CHD6: variants seen among roughly 807,000 people sequenced by gnomAD.
CHD6 encodes chromodomain helicase DNA binding protein 6.
Under a neutral mutation model 276.9 loss-of-function variants are expected in CHD6, and 50 were observed. That is an observed-to-expected ratio of 0.18 (90% confidence interval 0.14 to 0.23). CHD6 has a LOEUF of 0.23. Ranked by LOEUF, CHD6 falls within the 10% of genes least tolerant of loss-of-function variation. The probability of loss-of-function intolerance (pLI) is 1.00; values close to 1 mark genes in which losing one functional copy is unlikely to be tolerated. For missense variants in CHD6, 2,564 were observed against 3,365.8 expected, an observed-to-expected ratio of 0.76 and a Z score of 5.89; for synonymous variants, 1,173 against 1,229.3, an observed-to-expected ratio of 0.95 and a Z score of 0.96.
At chr20:41,578,317 T>A (rs761107512) in intron 1 of CHD6, among the ~76,000 whole-genome samples, 2 of 152,190 alleles carry the variant, frequency 1.3e-5, no homozygotes, top group African/African-American at 4.8e-5. Context: ...AACATTCTTA[T>A]CACAATGATA....
At chr20:41,445,896 TG>T in intron 24 of CHD6, 128 bp from the exon 25 acceptor site, 1 of 603,416 alleles carries the variant, frequency 1.7e-6, no homozygotes, top group Non-Finnish European at 3.0e-6. Flanking sequence ...AGGAAGGCTG[TG>T]GGTCATTGTT....
chr20:41,616,864 G>A (rs926546049), intron 1 of CHD6, among the ~76,000 whole-genome samples: 1 of 152,110 alleles, frequency 6.6e-6, no homozygotes, highest in African/African-American at 2.4e-5. Context: ...TTGGCTGACA[G>A]TCAAACTCGA....
intron 1 of CHD6, among the ~76,000 whole-genome samples, chr20:41,600,039 A>C (rs2045758069): frequency 6.6e-6 from 1 of 152,164 alleles, no homozygotes; most frequent in African/African-American, 2.4e-5. Context: ...TGCAGAAGTA[A>C]ATGTGCCTTG....
chr20:41,453,571 A>G (rs1328128421), intron 20 of CHD6, among the ~76,000 whole-genome samples: 1 of 152,006 alleles, frequency 6.6e-6, no homozygotes, highest in Non-Finnish European at 1.5e-5. Context: ...AAGCCAGGCC[A>G]GCCTCCTGAC....
chr20:41,489,808 C>A lies in CHD6; in HGVS notation c.1650G>T (p.Gln550His). ...CGTCTCTGTACACCATTTCATACTGCTGGATCATCTGCCTGCTGATCTGGC... is the reference window on the plus strand; with the variant it reads ...CGTCTCTGTACACCATTTCATACTGATGGATCATCTGCCTGCTGATCTGGC... ...HGSQISRQMIQQYEMVYRDAQ... is the reference protein window; with the variant it reads ...HGSQISRQMIHQYEMVYRDAQ... The change falls in exon 12 of 37, where the codon CAG becomes CAT. Residue 550 changes from glutamine (Q) to histidine (H), a missense_variant. By Grantham distance (24) the Gln-to-His change is conservative. Transcript: ENST00000373233. 6.2e-7 allele frequency: 1 copy of A among 1,614,024 alleles called. No individual in the cohort carries two copies. Among genetic ancestry groups the A allele is most frequent in the Non-Finnish European group, 8.5e-7 (1 of 1,179,924 alleles).
At chr20:41,432,184 C>T (rs1221559245) in intron 27 of CHD6, among the ~76,000 whole-genome samples, 1 of 127,432 alleles carries the variant, frequency 7.8e-6, no homozygotes, top group Non-Finnish European at 1.6e-5. Flanking sequence ...AAAAAAGAAG[C>T]GAGGTGGCTT....
intron 25 of CHD6, 48 bp downstream of exon 25, chr20:41,445,617 C>T (rs1600874299): frequency 1.6e-6 from 2 of 1,289,884 alleles, no homozygotes; most frequent in Non-Finnish European, 2.3e-6. Context: ...ACTCATCCTT[C>T]CTGGGGGAAA....
intron 2 of CHD6, among the ~76,000 whole-genome samples, chr20:41,538,215 G>T (rs2044873240): frequency 6.6e-6 from 1 of 152,188 alleles, no homozygotes; most frequent in South Asian, 2.1e-4. Context: ...GCCAGGTGGG[G>T]TGGCATGCGC....
Position 41,549,085 on chromosome 20 carries a change from C to T in CHD6, c.33+2220G>A, listed in dbSNP as rs925953068. Among the ~76,000 whole-genome samples the T allele has an allele frequency of 1.6e-4, 25 of 152,090 alleles. No homozygotes were observed. The East Asian group carries it at 1.9e-3, about 12-fold the overall frequency. On this transcript the variant is annotated intron_variant, in intron 2 of 36. Transcript: ENST00000373233. ...TCAACCATTGTGGAAGTCAGTGTGGCGATTCCTCAGGGATCTAGAACTAGA... is the reference window on the plus strand; with the variant it reads ...TCAACCATTGTGGAAGTCAGTGTGGTGATTCCTCAGGGATCTAGAACTAGA...
intron 2 of CHD6, among the ~76,000 whole-genome samples, chr20:41,534,541 T>C (rs534530989): frequency 1.0e-4 from 14 of 136,922 alleles, no homozygotes; most frequent in African/African-American, 3.9e-4. Context: ...ACACTGAGAA[T>C]CCCAGGAGAA....
chr20:41,523,445 T>C lies in CHD6; in HGVS notation c.555-8493A>G, dbSNP rs565179400. Among the ~76,000 whole-genome samples, 3 of 152,290 alleles carry C rather than the reference T, an allele frequency of 2.0e-5. No homozygotes were observed. The South Asian group carries it at 6.2e-4, about 32-fold the overall frequency. The stretch of plus-strand genomic sequence containing the variant: ...TAAAACTTGATTTTACAATCAAACA[T>C]ATCTCCACTTTAAAGAAAGTACCTA... On this transcript the variant is annotated intron_variant, in intron 3 of 36. Transcript: ENST00000373233.
At chr20:41,469,120 C>T (rs897072739) in intron 17 of CHD6, among the ~76,000 whole-genome samples, 2 of 152,110 alleles carry the variant, frequency 1.3e-5, no homozygotes, top group African/African-American at 2.4e-5. Context: ...CTGCTTCTGG[C>T]GATTGTGGAA....
chr20:41,591,199 C>T lies in CHD6; in HGVS notation c.-24+27141G>A, dbSNP rs1210119710. On this transcript the variant is annotated intron_variant, in intron 1 of 36. Coordinates refer to ENST00000373233, the MANE Select transcript of CHD6 (RefSeq NM_032221.5). ...ACACAGGAAGGGGAACATCACACAC[C>T]GGGGCCTGTTGTGGGGTGGGGGGAG... Among the ~76,000 whole-genome samples the T allele has an allele frequency of 9.5e-4, 100 of 105,004 alleles. 1 individual carries two copies. Among genetic ancestry groups the T allele is most frequent in the African/African-American group, 3.7e-3 (97 of 25,994 alleles). 68.9% of individuals were successfully genotyped at this position (105,004 alleles called of 152,430 possible).
chr20:41,546,201 A>G (rs2045038638), intron 2 of CHD6, among the ~76,000 whole-genome samples: 1 of 152,202 alleles, frequency 6.6e-6, no homozygotes, highest in Admixed American at 6.5e-5. Flanking sequence ...ACTCCAGGGA[A>G]GAAAATAAGG....
intron 16 of CHD6, among the ~76,000 whole-genome samples, chr20:41,479,024 C>T (rs543403741): frequency 3.3e-5 from 5 of 151,940 alleles, no homozygotes; most frequent in Admixed American, 6.6e-5. Flanking sequence ...AGAAACAAAA[C>T]GTTAATAAAC....
At position 41,405,416 on chromosome 20, in the gene CHD6, C is replaced by G. The variant is rs760992631; in HGVS notation, c.7325G>C (p.Arg2442Thr). 24 of 1,612,300 alleles carry G rather than the reference C, an allele frequency of 1.5e-5. No individual in the cohort carries two copies. Among genetic ancestry groups the G allele is most frequent in the Admixed American group, 1.2e-4 (7 of 59,930 alleles). The change falls in exon 37 of 37, where the codon AGG becomes ACG. Residue 2442 changes from arginine to threonine, a missense_variant. Physicochemically the swap from Arg to Thr is moderately conservative, Grantham distance 71 (BLOSUM62 -1). Transcript: ENST00000373233. ...PILRDTGPRR[R>T]GRRPRSELLK... ...GAGTTCGCTCCGAGGCCGCCTCCCC[C>G]TCCTGCGGGGGCCCGTATCTCGAAG...
At chr20:41,617,580 T>C (rs909157238) in intron 1 of CHD6, among the ~76,000 whole-genome samples, 2 of 152,194 alleles carry the variant, frequency 1.3e-5, no homozygotes, top group African/African-American at 4.8e-5. Context: ...CCGTTACTTC[T>C]CAACAGCGAG....
chr20:41,576,107 T>C (rs936332692), intron 1 of CHD6, among the ~76,000 whole-genome samples: 2 of 152,162 alleles, frequency 1.3e-5, no homozygotes, highest in Non-Finnish European at 2.9e-5. Context: ...AAGGAAAAGC[T>C]GCACAGAAGT....
chr20:41,558,486 T>C (rs1232987797), intron 1 of CHD6, among the ~76,000 whole-genome samples: 1 of 152,246 alleles, frequency 6.6e-6, no homozygotes, highest in Non-Finnish European at 1.5e-5. Context: ...ACGAAGAAGA[T>C]GTTTTAATGA....
Sources: gnomAD v4.1 joint callset for allele counts (sites outside exome capture counted in the v4.1 genomes callset) on GRCh38, gnomAD v4.1.1 for gene constraint, MANE v1.5 for transcripts, NCBI Gene and HGNC (gene_info 2026-07-23, HGNC 2026-07-21) for gene names.